The following SEC14L3 variants were observed in gnomAD, a reference collection of about 807,000 sequenced individuals.
SEC14L3 encodes the protein SEC14 like lipid binding 3, also known as SEC14-like protein 3.
In SEC14L3, 56 loss-of-function variants were observed where a neutral mutation model predicts 57.4. That is an observed-to-expected ratio of 0.97 (90% CI 0.79 to 1.22). The LOEUF is 1.22. SEC14L3 is among the 50% of genes most tolerant of loss of function. The pLI is 0.00. For missense variants in SEC14L3, 485 were observed against 511.7 expected (o/e 0.95, Z 0.50); for synonymous variants, 173 against 194.4 (o/e 0.89, Z 0.92).
At chr22:30,450,262 G>A (rs113920234) in intron 12 of SEC14L3, among the ~76,000 whole-genome samples, 18 of 152,222 alleles carry the variant, frequency 1.2e-4, no homozygotes, top group East Asian at 5.8e-4. Context: ...TCTGCTGGAC[G>A]AGGGTCTGGA....
intron 5 of SEC14L3, among the ~76,000 whole-genome samples, chr22:30,468,140 G>A (rs773310288): frequency 1.7e-4 from 26 of 151,946 alleles, no homozygotes; most frequent in Non-Finnish European, 2.9e-4. Flanking sequence ...TTAGCCCTGC[G>A]TGGTGGCGGG....
intron 4 of SEC14L3, 44 bp downstream of exon 4, chr22:30,469,975 G>T: frequency 7.0e-7 from 1 of 1,424,858 alleles, no homozygotes; most frequent in Non-Finnish European, 9.5e-7. Flanking sequence ...GACCTTGAGT[G>T]GTACGTCCGT....
chr22:30,466,732 T>C (rs139173013), intron 6 of SEC14L3, among the ~76,000 whole-genome samples: 4 of 152,176 alleles, frequency 2.6e-5, no homozygotes, highest in Non-Finnish European at 5.9e-5. Flanking sequence ...CCCCATTTTG[T>C]AGGTCAGGAA....
At chr22:30,452,037 G>GAAAAGAAAAA (rs1569224118) in intron 12 of SEC14L3, among the ~76,000 whole-genome samples, 2 of 138,208 alleles carry the variant, frequency 1.4e-5, no homozygotes, top group African/African-American at 2.7e-5. Flanking sequence ...GAAAAGAAAA[G>GAAAAGAAAAA]AAAGAAGAAA....
downstream of SEC14L3, among the ~76,000 whole-genome samples, chr22:30,455,253 A>T (rs940962903): frequency 9.3e-4 from 121 of 129,920 alleles, no homozygotes; most frequent in Non-Finnish European, 1.1e-3. Flanking sequence ...TATTATATAT[A>T]ATATATTATA....
At chr22:30,449,164 T>C in exon 13 of SEC14L3, 2 of 1,550,554 alleles carry the variant, frequency 1.3e-6, no homozygotes, top group Non-Finnish European at 1.7e-6. Flanking sequence ...ACTTGCGAGT[T>C]TGAGTGTGAG....
At position 30,459,973 on chromosome 22, in the gene SEC14L3, A is replaced by G. The variant is rs1270052510; in HGVS notation, c.*48T>C. The G allele has an allele frequency of 6.2e-7, 1 of 1,602,152 alleles. No homozygotes were observed. Among genetic ancestry groups the G allele is most frequent in the East Asian group, 2.2e-5 (1 of 44,634 alleles). On this transcript the variant is annotated 3_prime_UTR_variant, in exon 12 of 12. Transcript: ENST00000215812. ...GGGAGGGAGGGAGTGTAGGATATAA[A>G]CAGAGAAATCAAAGGGTTAGGAGGT...
downstream of SEC14L3, among the ~76,000 whole-genome samples, chr22:30,454,720 C>A (rs1163712263): frequency 2.2e-4 from 16 of 71,940 alleles, no homozygotes; most frequent in South Asian, 4.2e-4. Context: ...TATATATAAT[C>A]TATAATCTAT....
rs749847275 is a variant in SEC14L3, at chr22:30,461,335, G to T, written c.1056C>A (p.Asn352Lys). The T allele has an allele frequency of 2.5e-6, 4 of 1,607,648 alleles. No homozygotes were observed. Among genetic ancestry groups the T allele is most frequent in the Admixed American group, 3.4e-5 (2 of 59,484 alleles). Residue 352 changes from asparagine (N) to lysine (K), a missense_variant, in exon 11 of 12, where the codon AAC (asparagine) becomes AAA (lysine). Asn to Lys is a moderately conservative substitution (Grantham distance 94). Transcript: ENST00000215812. ...AGACGCCGGCCTCTGAGCAGGTGAGGTTCCCATCCTCGGGCACCATGTGGG... is the reference window on the plus strand; with the variant it reads ...AGACGCCGGCCTCTGAGCAGGTGAGTTTCCCATCCTCGGGCACCATGTGGG... ...YNAHMVPEDGNLTCSEAGVYV... is the reference protein window; with the variant it reads ...YNAHMVPEDGKLTCSEAGVYV...
chr22:30,462,569 G>A (rs1935301189), intron 8 of SEC14L3, among the ~76,000 whole-genome samples: 2 of 151,990 alleles, frequency 1.3e-5, no homozygotes, highest in African/African-American at 2.4e-5. Context: ...ACCATGCCTG[G>A]CTAATTTTTA....
chr22:30,454,945 TATTATATATC>T (rs1456445058), downstream of SEC14L3, among the ~76,000 whole-genome samples: 10 of 34,082 alleles, frequency 2.9e-4, no homozygotes, highest in Admixed American at 5.3e-4. Context: ...TATAATATAT[TATTATATATC>T]ATATAATAGA....
downstream of SEC14L3, among the ~76,000 whole-genome samples, chr22:30,454,855 AT>A (rs1300180526): frequency 1.9e-4 from 10 of 51,294 alleles, no homozygotes; most frequent in African/African-American, 3.7e-4. Context: ...AATATATTAT[AT>A]TATTATATAA....
exon 13 of SEC14L3, chr22:30,447,979 G>A (rs1405806150): frequency 1.3e-5 from 2 of 151,800 alleles, no homozygotes; most frequent in East Asian, 3.9e-4. Context: ...GCCCCCAAGG[G>A]TCTTCTGCTG....
downstream of SEC14L3, among the ~76,000 whole-genome samples, chr22:30,456,947 G>A (rs1254041112): frequency 1.3e-5 from 2 of 152,184 alleles, no homozygotes; most frequent in Admixed American, 1.3e-4. Flanking sequence ...CTCTGGCCCT[G>A]GCCTTAGGTT....
chr22:30,454,745 T>TATTATATATAATATATAATAATA (rs1569225188), downstream of SEC14L3, among the ~76,000 whole-genome samples: 4 of 42,840 alleles, frequency 9.3e-5, no homozygotes, highest in Non-Finnish European at 1.2e-4. Flanking sequence ...TATAATAATA[T>TATTATATATAATATATAATAATA]TATTATATAT....
At chr22:30,469,423 A>G (rs1935530916) in intron 4 of SEC14L3, among the ~76,000 whole-genome samples, 1 of 152,224 alleles carries the variant, frequency 6.6e-6, no homozygotes, top group Non-Finnish European at 1.5e-5. Flanking sequence ...TGGTTTGGAT[A>G]ACCCCTCACT....
chr22:30,460,349 G>A (rs1935214263), intron 11 of SEC14L3: 1 of 852,252 alleles, frequency 1.2e-6, no homozygotes, highest in Non-Finnish European at 1.4e-6. Flanking sequence ...CTTGGCATGT[G>A]CCCAGGCATG....
At chr22:30,455,397 C>T (rs1316899218), downstream of SEC14L3, among the ~76,000 whole-genome samples, 2 of 150,178 alleles carry the variant, frequency 1.3e-5, no homozygotes, top group African/African-American at 2.5e-5. Context: ...TACAGGCATG[C>T]ACCACCACGC....
At chr22:30,452,246 CTTTTTTT>C (rs750537241) in intron 12 of SEC14L3, among the ~76,000 whole-genome samples, 16 of 90,026 alleles carry the variant, frequency 1.8e-4, no homozygotes, top group Non-Finnish European at 3.3e-4. Flanking sequence ...TTCTTTCTTT[CTTTTTTT>C]TTTTTTTTTT....
Sources: allele counts gnomAD v4.1 joint callset (sites outside exome capture counted in the v4.1 genomes callset), GRCh38; gene constraint gnomAD v4.1.1; transcripts MANE v1.5; gene names NCBI Gene and HGNC (gene_info 2026-07-23, HGNC 2026-07-21).